The following PECR variants were observed in gnomAD, a reference collection of about 807,000 sequenced individuals.
The protein encoded by PECR is peroxisomal trans-2-enoyl-CoA reductase.
A neutral mutation model predicts 35.3 loss-of-function variants in PECR; 30 were observed. The observed-to-expected ratio is 0.85, with a 90% CI of 0.64 to 1.15. PECR has a LOEUF of 1.15. Among genes scored for constraint, PECR ranks in the 50% most tolerant of loss-of-function variants. The pLI is 0.00. For missense variants in PECR, 392 were observed against 370.8 expected (o/e 1.06, Z -0.47); for synonymous variants, 148 against 138.9 (o/e 1.07, Z -0.46).
downstream of PECR, among the ~76,000 whole-genome samples, chr2:216,036,479 C>T (rs755519979): frequency 1.3e-5 from 2 of 152,206 alleles, no homozygotes; most frequent in African/African-American, 2.4e-5. Flanking sequence ...TGGAACTGAT[C>T]TCTGAACTCC....
At chr2:216,059,462 G>T (rs1695292510) in intron 3 of PECR, among the ~76,000 whole-genome samples, 1 of 152,166 alleles carries the variant, frequency 6.6e-6, no homozygotes, top group Non-Finnish European at 1.5e-5. Context: ...TCCATTATGT[G>T]GATATGCCAT....
At chr2:216,078,816 C>T (rs1344204351) in intron 1 of PECR, among the ~76,000 whole-genome samples, 1 of 152,110 alleles carries the variant, frequency 6.6e-6, no homozygotes, top group Non-Finnish European at 1.5e-5. Flanking sequence ...AGTCTATCAC[C>T]TTATTCCAGG....
intron 7 of PECR, 61 bp downstream of exon 7, chr2:216,043,843 T>G: frequency 1.2e-6 from 1 of 864,312 alleles, no homozygotes; most frequent in South Asian, 1.4e-5. Context: ...TATAATAAAT[T>G]TTAAACCCCT....
rs188911327 is a variant in PECR at position 216,046,548 on chromosome 2, T to G, written c.715-2533A>C. 7.6e-3 allele frequency among the ~76,000 whole-genome samples: 1,162 copies of G among 152,130 alleles called. 6 individuals are homozygous for G. Among genetic ancestry groups the G allele is most frequent in the Non-Finnish European group, 0.013 (895 of 68,006 alleles). On this transcript the variant is annotated intron_variant, in intron 6 of 7. Coordinates refer to ENST00000265322, the MANE Select transcript of PECR (RefSeq NM_018441.6). ...GCTGATCTTGAACTCCTACCTCAAG[T>G]GATCCACCTGCCTTAGGCTTCCAAA...
chr2:216,047,823 A>G (rs1372813182), intron 6 of PECR, among the ~76,000 whole-genome samples: 4 of 152,128 alleles, frequency 2.6e-5, no homozygotes, highest in Non-Finnish European at 2.9e-5. Flanking sequence ...ATTTAGGGAA[A>G]CCTGACTTTT....
chr2:216,048,062 CTTTTCT>C, intron 6 of PECR, among the ~76,000 whole-genome samples: 1 of 148,010 alleles, frequency 6.8e-6, no homozygotes, highest in South Asian at 2.1e-4. Flanking sequence ...ACATCCTTTT[CTTTTCT>C]TTATTTTATT....
chr2:216,076,538 G>C (rs1005525177), intron 1 of PECR, among the ~76,000 whole-genome samples: 1 of 152,154 alleles, frequency 6.6e-6, no homozygotes, highest in African/African-American at 2.4e-5. Context: ...AGTGGCTCAC[G>C]CCTGTAATTC....
chr2:216,068,000 G>A (rs1208861627), intron 1 of PECR, among the ~76,000 whole-genome samples: 4 of 151,692 alleles, frequency 2.6e-5, no homozygotes, highest in African/African-American at 9.7e-5. Flanking sequence ...AGGCTGAGGC[G>A]GGCCGATCAT....
Position 216,051,797 on chromosome 2 carries a change from G to C in PECR, c.507-252C>G, listed in dbSNP as rs138522623. On this transcript the variant is annotated intron_variant, in intron 4 of 7. Transcript: ENST00000265322. ...CAGATAAGGCTCCCCAAATCACTAC[G>C]TAAGAGGAATACTTTAAAGAACTTT... 4.6e-5 allele frequency among the ~76,000 whole-genome samples: 7 copies of C among 152,266 alleles called. No individual in the cohort carries two copies. The East Asian group carries it at 9.6e-4, about 21-fold the overall frequency.
intron 7 of PECR, among the ~76,000 whole-genome samples, chr2:216,029,752 C>T (rs546000950): frequency 2.6e-4 from 40 of 152,322 alleles, no homozygotes; most frequent in African/African-American, 8.9e-4. Flanking sequence ...CAGTATTTCC[C>T]TTCAGGCAAA....
chr2:216,046,308 ATATTTT>A (rs1694991215), intron 6 of PECR, among the ~76,000 whole-genome samples: 1 of 112,126 alleles, frequency 8.9e-6, no homozygotes, highest in African/African-American at 4.3e-5. Context: ...ATATATATAT[ATATTTT>A]TTTTTTTTTT....
intron 5 of PECR, among the ~76,000 whole-genome samples, chr2:216,050,143 G>A (rs555764406): frequency 1.1e-4 from 16 of 152,200 alleles, no homozygotes; most frequent in South Asian, 1.0e-3. Flanking sequence ...GATCGCTTGC[G>A]CCCAGGAGTT....
intron 1 of PECR, among the ~76,000 whole-genome samples, chr2:216,067,547 C>A (rs1695491271): frequency 1.3e-5 from 2 of 151,698 alleles, no homozygotes; most frequent in African/African-American, 4.8e-5. Context: ...AGAATATATA[C>A]ATATTTTTTC....
intron 1 of PECR, among the ~76,000 whole-genome samples, chr2:216,070,957 A>T (rs1172180008): frequency 2.0e-5 from 3 of 152,242 alleles, no homozygotes; most frequent in African/African-American, 7.2e-5. Context: ...CTCCAGCGGT[A>T]TACTGAGTTG....
chr2:216,068,181 G>A (rs930968681), intron 1 of PECR, among the ~76,000 whole-genome samples: 21 of 128,832 alleles, frequency 1.6e-4, no homozygotes, highest in African/African-American at 4.6e-4. Flanking sequence ...AGCTGAGATC[G>A]CCCCACTGCA....
rs980935388 is a variant in PECR at position 216,038,434 on chromosome 2, T to C, written c.*841A>G. The C allele has an allele frequency of 2.6e-5, 4 of 152,180 alleles. No homozygotes were observed. Among genetic ancestry groups the C allele is most frequent in the African/African-American group, 9.7e-5 (4 of 41,436 alleles). The allele number at this position is 152,180 out of a possible 1,614,324, so 9.4% of individuals were successfully genotyped here. ...TTTGAATTAAGAGAATTTATACAAA[T>C]TTGACTTCATAAACAAAAGAAACTA... is the stretch of plus-strand genomic sequence containing the variant. On this transcript the variant is annotated 3_prime_UTR_variant, in exon 8 of 8. Transcript: ENST00000265322.
chr2:216,065,010 CA>C (rs1343085750), intron 3 of PECR, among the ~76,000 whole-genome samples: 2 of 152,148 alleles, frequency 1.3e-5, no homozygotes, highest in East Asian at 3.8e-4. Context: ...TTCTTAAAAA[CA>C]GAGTAAGTGT....
downstream of PECR, among the ~76,000 whole-genome samples, chr2:216,036,957 G>A (rs936738033): frequency 3.3e-5 from 5 of 152,042 alleles, no homozygotes; most frequent in African/African-American, 7.2e-5. Flanking sequence ...GTTATATGCC[G>A]TGGACATCAT....
intron 1 of PECR, among the ~76,000 whole-genome samples, chr2:216,070,773 T>C (rs1438031151): frequency 1.3e-5 from 2 of 152,174 alleles, no homozygotes; most frequent in African/African-American, 4.8e-5. Context: ...GTCAGCTGCT[T>C]AACTGATCAC....
Sources: allele counts gnomAD v4.1 joint callset (sites outside exome capture counted in the v4.1 genomes callset), GRCh38; gene constraint gnomAD v4.1.1; transcripts MANE v1.5; gene names NCBI Gene and HGNC (gene_info 2026-07-23, HGNC 2026-07-21).